Variants in TIA1 observed in about 807,000 individuals in gnomAD.
TIA1 encodes cytotoxic granule associated RNA binding protein TIA1.
In TIA1, 23 loss-of-function variants were observed where a neutral mutation model predicts 65.9. The observed-to-expected ratio is 0.35, with a 90% confidence interval of 0.25 to 0.49. The LOEUF is 0.49. TIA1 is among the 20% of genes least tolerant of loss of function. The probability of loss-of-function intolerance (pLI) is 0.98; values close to 1 mark genes in which losing one functional copy is unlikely to be tolerated. For missense variants in TIA1, 371 were observed against 477.9 expected (o/e 0.78, Z 2.09); for synonymous variants, 147 against 149.4 (o/e 0.98, Z 0.12).
At chr2:70,232,235 A>G (rs1256147530) in intron 2 of TIA1, among the ~76,000 whole-genome samples, 1 of 149,698 alleles carries the variant, frequency 6.7e-6, no homozygotes, top group Non-Finnish European at 1.5e-5. Context: ...AGAAAAAAGA[A>G]AAAAGAAAAA....
intron 1 of TIA1, among the ~76,000 whole-genome samples, chr2:70,238,872 G>A (rs570077242): frequency 3.1e-4 from 47 of 152,048 alleles, no homozygotes; most frequent in African/African-American, 1.1e-3. Flanking sequence ...TCAATACAGC[G>A]AGACCCCCGT....
chr2:70,228,832 A>G, intron 5 of TIA1: 1 of 1,414,030 alleles, frequency 7.1e-7, no homozygotes, highest in Non-Finnish European at 9.2e-7. Flanking sequence ...AGTAGTTCTA[A>G]GGCATCAGCT....
chr2:70,244,810 G>C (rs1174900045), intron 1 of TIA1, among the ~76,000 whole-genome samples: 1 of 143,074 alleles, frequency 7.0e-6, no homozygotes, highest in African/African-American at 2.7e-5. Flanking sequence ...ATTCCAGCCT[G>C]GGTGACAGAG....
Position 70,216,293 on chromosome 2 carries a change from C to T in TIA1, c.680-1G>A. The T allele has an allele frequency of 6.3e-7, 1 of 1,589,368 alleles. No homozygotes were observed. The highest frequency in any genetic ancestry group is 8.5e-7 in the Non-Finnish European group (1 of 1,172,884). On this transcript the variant is annotated splice_acceptor_variant, in intron 9 of 12. Transcript: ENST00000433529. LOFTEE classifies it high-confidence loss of function. ...GAAAAAGTCTGACGCATTAGTTGTT[C>T]TGTTAGACAAAAAACCAAAACAAAC...
At chr2:70,228,834 G>T (rs1684863136) in intron 5 of TIA1, 1 of 1,415,198 alleles carries the variant, frequency 7.1e-7, no homozygotes. Flanking sequence ...TAGTTCTAAG[G>T]CATCAGCTGC....
At chr2:70,221,525 G>C (rs941514603) in intron 7 of TIA1, among the ~76,000 whole-genome samples, 2 of 152,088 alleles carry the variant, frequency 1.3e-5, no homozygotes, top group African/African-American at 4.8e-5. Context: ...AGAAGGAATA[G>C]AGTGATGACA....
At position 70,209,733 on chromosome 2, in the gene TIA1, T is replaced by C. The variant is rs948333726; in HGVS notation, c.*2986A>G. On this transcript the variant is annotated 3_prime_UTR_variant, in exon 13 of 13. Transcript: ENST00000433529. ...TTATTTGAGAGAAAAAAACTGATTTTTTTTAAAGAAATCATCACTCTCATT... is the reference window on the plus strand; with the variant it reads ...TTATTTGAGAGAAAAAAACTGATTTCTTTTAAAGAAATCATCACTCTCATT... 1 of 398,214 alleles carries C rather than the reference T, an allele frequency of 2.5e-6. No individual in the cohort carries two copies. Among genetic ancestry groups the C allele is most frequent in the African/African-American group, 2.1e-5 (1 of 48,628 alleles). The allele number at this position is 398,214 out of a possible 1,614,324, so 24.7% of individuals were successfully genotyped here. A position where few individuals can be genotyped will look rare whatever the true frequency, so the allele number is the denominator to read the frequency against.
intron 12 of TIA1, among the ~76,000 whole-genome samples, chr2:70,213,547 C>A (rs981061295): frequency 6.6e-6 from 1 of 151,932 alleles, no homozygotes; most frequent in Non-Finnish European, 1.5e-5. Context: ...TGAGATTTCG[C>A]CATGTTGCCC....
intron 1 of TIA1, among the ~76,000 whole-genome samples, chr2:70,245,426 G>A (rs1693861846): frequency 6.6e-6 from 1 of 152,212 alleles, no homozygotes; most frequent in East Asian, 1.9e-4. Context: ...ATATTAAGGT[G>A]TCTGGATTTG....
intron 10 of TIA1, 99 bp from the exon 11 acceptor site, chr2:70,215,593 GT>G: frequency 9.2e-7 from 1 of 1,089,256 alleles, no homozygotes; most frequent in Non-Finnish European, 1.3e-6. Flanking sequence ...AGGTAAAACA[GT>G]TTGCGTAACA....
intron 10 of TIA1, 61 bp from the exon 11 acceptor site, chr2:70,215,555 C>A: frequency 1.4e-6 from 2 of 1,463,490 alleles, no homozygotes; most frequent in Non-Finnish European, 1.8e-6. Context: ...ATGAATAAAA[C>A]CTATTTTTAA....
At chr2:70,214,235 GTTACGC>G in intron 12 of TIA1, 108 bp downstream of exon 12, 1 of 1,174,158 alleles carries the variant, frequency 8.5e-7, no homozygotes, top group Non-Finnish European at 1.2e-6. Flanking sequence ...CAAGGCTATA[GTTACGC>G]TTTACATAAG....
At chr2:70,219,464 T>C (rs1009563524) in intron 7 of TIA1, among the ~76,000 whole-genome samples, 1 of 152,176 alleles carries the variant, frequency 6.6e-6, no homozygotes, top group African/African-American at 2.4e-5. Context: ...ATTCAAGGCC[T>C]TTCTTGAAAT....
At position 70,217,312 on chromosome 2, in the gene TIA1, C is replaced by G. The variant is rs528962887; in HGVS notation, c.475-318G>C. ...TCAGCCTCCTGAGTAGCGGGGATTA[C>G]AGGCATCTGCCACCATGCCTGGCTA... On this transcript the variant is annotated intron_variant, in intron 7 of 12. Transcript: ENST00000433529. Among the ~76,000 whole-genome samples the G allele has an allele frequency of 5.3e-5, 8 of 152,172 alleles. No individual in the cohort carries two copies. In the South Asian group the frequency reaches 1.7e-3, roughly 32 times the overall value.
rs1558852202 is a variant in TIA1 at position 70,229,414 on chromosome 2, T to C, written c.223-96A>G. The C allele has an allele frequency of 7.7e-6, 8 of 1,043,056 alleles. No individual in the cohort carries two copies. The African/African-American group carries it at 9.6e-5, about 13-fold the overall frequency. 64.6% of individuals were successfully genotyped at this position (1,043,056 alleles called of 1,614,324 possible). A position where few individuals can be genotyped will look rare whatever the true frequency, so the allele number is the denominator to read the frequency against. On this transcript the variant is annotated intron_variant, in intron 3 of 12. Transcript: ENST00000433529. Reference sequence around the variant, plus strand: ...CACATAGGAAGATATCTGTTTAAGATGAAACACTGAAGGAGATACCAGCTC... The same window carrying C: ...CACATAGGAAGATATCTGTTTAAGACGAAACACTGAAGGAGATACCAGCTC...
chr2:70,245,220 CA>C (rs1374561592), intron 1 of TIA1, among the ~76,000 whole-genome samples: 1 of 152,316 alleles, frequency 6.6e-6, no homozygotes, highest in Admixed American at 6.5e-5. Context: ...CTTCTGACCT[CA>C]GGTGATCCAC....
In TIA1 at chr2:70,216,441, A is replaced by G. The variant is rs1314589532; in HGVS notation, c.642T>C (p.Cys214=). ...EVVNQSSPSN[C]TVYCGGVTSG... is the part of the protein sequence containing the mutation. ...AAGTAACACCTCCACAGTATACAGTACAGTTGCTTGGACTAGACTGATTTA... is the reference window on the plus strand; with the variant it reads ...AAGTAACACCTCCACAGTATACAGTGCAGTTGCTTGGACTAGACTGATTTA... Residue 214 remains cysteine (C), a synonymous_variant, in exon 9 of 13, where the codon TGT becomes TGC. Coordinates refer to ENST00000433529, the MANE Select transcript of TIA1 (RefSeq NM_022173.4). 1 of 1,614,052 alleles carries G rather than the reference A, an allele frequency of 6.2e-7. No homozygotes were observed. Among genetic ancestry groups the G allele is most frequent in the Non-Finnish European group, 8.5e-7 (1 of 1,179,970 alleles).
intron 12 of TIA1, 77 bp downstream of exon 12, chr2:70,214,272 T>G: frequency 6.6e-7 from 1 of 1,505,392 alleles, no homozygotes; most frequent in Non-Finnish European, 8.9e-7. Context: ...ACCCACTAAT[T>G]CTTAAAATTT....
At chr2:70,246,051 G>A (rs1354875675) in intron 1 of TIA1, among the ~76,000 whole-genome samples, 1 of 151,468 alleles carries the variant, frequency 6.6e-6, no homozygotes, top group East Asian at 1.9e-4. Flanking sequence ...AGCCTCCCGA[G>A]TAGCTGGGAT....
Sources: gnomAD v4.1 joint callset for allele counts (sites outside exome capture counted in the v4.1 genomes callset) on GRCh38, gnomAD v4.1.1 for gene constraint, MANE v1.5 for transcripts, NCBI Gene and HGNC (gene_info 2026-07-23, HGNC 2026-07-21) for gene names.